CSMD2: variants seen among roughly 807,000 people sequenced by gnomAD.
The protein encoded by CSMD2 is CUB and Sushi multiple domains 2, also known as CUB and sushi domain-containing protein 2.
Under a neutral mutation model 398.5 loss-of-function variants are expected in CSMD2, and 130 were observed. That is an observed-to-expected ratio of 0.33 (90% CI 0.28 to 0.38). CSMD2 has a LOEUF of 0.38. Among genes scored for constraint, CSMD2 ranks in the 10% least tolerant of loss-of-function variants. The probability of loss-of-function intolerance (pLI) is 1.00; values close to 1 mark genes in which losing one functional copy is unlikely to be tolerated. For synonymous variants in CSMD2, 1,828 were observed against 1,908.5 expected (o/e 0.96, Z 1.10); for missense variants, 3,829 against 4,764.9 (o/e 0.80, Z 5.78).
intron 1 of CSMD2, among the ~76,000 whole-genome samples, chr1:34,100,520 C>T (rs1390977840): frequency 6.6e-6 from 1 of 152,126 alleles, no homozygotes; most frequent in Non-Finnish European, 1.5e-5. Flanking sequence ...ATATTCCATG[C>T]CATGGATGTA....
chr1:33,779,753 GC>G (rs1345896661), intron 12 of CSMD2, among the ~76,000 whole-genome samples: 27 of 152,176 alleles, frequency 1.8e-4, no homozygotes, highest in Non-Finnish European at 1.9e-4. Flanking sequence ...TGTTGTTATA[GC>G]AACGGGTGCT....
At chr1:33,747,481 A>G (rs1377499156) in intron 13 of CSMD2, among the ~76,000 whole-genome samples, 12 of 152,222 alleles carry the variant, frequency 7.9e-5, no homozygotes, top group Admixed American at 7.9e-4. Flanking sequence ...TGTTAAGTGT[A>G]ATTAGTAATA....
chr1:33,797,803 C>A (rs1655122759), intron 10 of CSMD2, among the ~76,000 whole-genome samples: 2 of 152,118 alleles, frequency 1.3e-5, no homozygotes, highest in Admixed American at 1.3e-4. Flanking sequence ...CATATCAGCC[C>A]CTTCCAGCCA....
At chr1:33,920,321 G>C (rs1000521880) in intron 4 of CSMD2, among the ~76,000 whole-genome samples, 4 of 150,828 alleles carry the variant, frequency 2.7e-5, no homozygotes, top group East Asian at 2.0e-4. Context: ...CTGAGGTCAG[G>C]AGTTCAATAC....
At chr1:33,956,016 A>G (rs1280856815) in intron 3 of CSMD2, among the ~76,000 whole-genome samples, 1 of 152,166 alleles carries the variant, frequency 6.6e-6, no homozygotes, top group Non-Finnish European at 1.5e-5. Flanking sequence ...AAGCAGGGTG[A>G]TGCGGCAATT....
At position 33,641,276 on chromosome 1, in the gene CSMD2, C is replaced by A. The variant is rs116489545; in HGVS notation, c.4775-4722G>T. ...TTTGCTCCCTGCTGTATTCTCAACA[C>A]CCAGCAGAGGGCATGGCATGAAGTA... is the stretch of plus-strand genomic sequence containing the variant. On this transcript the variant is annotated intron_variant, in intron 29 of 70. Coordinates refer to ENST00000373381, the MANE Select transcript of CSMD2 (RefSeq NM_001281956.2). Among the ~76,000 whole-genome samples, 736 of 152,324 alleles carry A rather than the reference C, an allele frequency of 4.8e-3. 10 individuals carry two copies. Among genetic ancestry groups the A allele is most frequent in the African/African-American group, 0.017 (709 of 41,564 alleles).
intron 6 of CSMD2, chr1:33,839,231 A>G (rs1362478019): frequency 6.6e-6 from 1 of 152,256 alleles, no homozygotes; most frequent in Non-Finnish European, 1.5e-5. Context: ...ATTTCCAGTA[A>G]GCAGTTAATT....
intron 1 of CSMD2, among the ~76,000 whole-genome samples, chr1:34,155,195 A>G (rs1640697636): frequency 6.6e-6 from 1 of 152,204 alleles, no homozygotes; most frequent in Non-Finnish European, 1.5e-5. Flanking sequence ...TGAGGGTAGG[A>G]TTAATTCAAA....
At chr1:33,663,860 C>G (rs965213646) in intron 25 of CSMD2, among the ~76,000 whole-genome samples, 2 of 152,224 alleles carry the variant, frequency 1.3e-5, no homozygotes, top group Non-Finnish European at 2.9e-5. Flanking sequence ...TTTAGACTTA[C>G]AGAAAAGTTG....
In CSMD2 at chr1:33,688,191, T is replaced by C. The variant is rs370594414; in HGVS notation, c.4052+4739A>G. Among the ~76,000 whole-genome samples, 7 of 152,292 alleles carry C rather than the reference T, an allele frequency of 4.6e-5. No homozygotes were observed. In the South Asian group the frequency reaches 1.5e-3, roughly 32 times the overall value. On this transcript the variant is annotated intron_variant, in intron 25 of 70. Coordinates refer to ENST00000373381, the MANE Select transcript of CSMD2 (RefSeq NM_001281956.2). ...CTTATTCAACAGGGGAATAGTTAAA[T>C]AAATTATGGTGGTACATACAATAGA...
At chr1:34,030,779 C>T (rs1315887601) in intron 3 of CSMD2, among the ~76,000 whole-genome samples, 3 of 152,182 alleles carry the variant, frequency 2.0e-5, no homozygotes, top group African/African-American at 7.2e-5. Flanking sequence ...AATGAGGGCA[C>T]CATGAGAGCC....
In CSMD2 at chr1:33,614,516, G is replaced by A. The variant is rs754473210; in HGVS notation, c.6121C>T (p.Pro2041Ser). 2.5e-6 allele frequency: 4 copies of A among 1,597,798 alleles called. No individual in the cohort carries two copies. The highest frequency in any genetic ancestry group is 3.4e-6 in the Non-Finnish European group (4 of 1,165,254). Residue 2041 changes from proline (P) to serine (S), a missense_variant, in exon 40 of 71, where the codon CCC becomes TCC. Pro to Ser is a moderately conservative substitution (Grantham distance 74). Transcript: ENST00000373381. ...NMDCSWKIAL[P>S]VGFGAHIQFL... ...TGCAGAGACTTACCAAAGCCCACGG[G>A]CAGTGCTATTTTCCAGGAGCAGTCC...
At chr1:33,676,063 C>G (rs1644698818) in intron 25 of CSMD2, among the ~76,000 whole-genome samples, 2 of 152,186 alleles carry the variant, frequency 1.3e-5, no homozygotes, top group Non-Finnish European at 2.9e-5. Context: ...CAGGGATGCC[C>G]TCTCTCACCA....
At chr1:34,155,866 CTG>C (rs1640766349) in intron 1 of CSMD2, among the ~76,000 whole-genome samples, 1 of 152,216 alleles carries the variant, frequency 6.6e-6, no homozygotes, top group African/African-American at 2.4e-5. Flanking sequence ...CATAGACACA[CTG>C]TGTATTATTA....
intron 2 of CSMD2, among the ~76,000 whole-genome samples, chr1:34,082,760 T>C (rs898462825): frequency 4.6e-5 from 7 of 152,322 alleles, no homozygotes; most frequent in Admixed American, 3.3e-4. Flanking sequence ...TGTTAATCTA[T>C]AACCTTACCC....
chr1:33,565,359 A>T (rs1302323612), intron 53 of CSMD2, among the ~76,000 whole-genome samples: 1 of 152,248 alleles, frequency 6.6e-6, no homozygotes, highest in African/African-American at 2.4e-5. Flanking sequence ...AGAAGCAATG[A>T]TGGGAAAACC....
chr1:33,601,118 T>A (rs1570897778), intron 43 of CSMD2, 108 bp from the exon 44 acceptor site: 1 of 1,438,622 alleles, frequency 7.0e-7, no homozygotes, highest in Non-Finnish European at 9.5e-7. Context: ...AGGCTATGAT[T>A]CTTTTTGTAC....
intron 47 of CSMD2, among the ~76,000 whole-genome samples, chr1:33,581,354 TAAAAAAAAAAAAAA>T (rs35599517): frequency 1.2e-5 from 1 of 84,218 alleles, no homozygotes; most frequent in South Asian, 4.1e-4. Flanking sequence ...CCATCTTTAC[TAAAAAAAAAAAAAA>T]AAAAAAAAAA....
At chr1:33,626,118 C>T (rs1169513385) in intron 33 of CSMD2, among the ~76,000 whole-genome samples, 1 of 152,134 alleles carries the variant, frequency 6.6e-6, no homozygotes, top group Admixed American at 6.5e-5. Flanking sequence ...GTTTTCCCCG[C>T]ACCTTTACTG....
Sources: gnomAD v4.1 joint callset for allele counts (sites outside exome capture counted in the v4.1 genomes callset) on GRCh38, gnomAD v4.1.1 for gene constraint, MANE v1.5 for transcripts, NCBI Gene and HGNC (gene_info 2026-07-23, HGNC 2026-07-21) for gene names.